The following CHRNA4 variants were observed in gnomAD, a reference collection of about 807,000 sequenced individuals.
The protein encoded by CHRNA4 is neuronal acetylcholine receptor subunit alpha-4.
Under a neutral mutation model 48.9 loss-of-function variants are expected in CHRNA4, and 28 were observed. That is an observed-to-expected ratio of 0.57 (90% CI 0.42 to 0.79). CHRNA4 has a LOEUF of 0.79. Ranked by LOEUF, CHRNA4 falls within the 30% of genes least tolerant of loss-of-function variation. The pLI is 0.00. For missense variants in CHRNA4, 859 were observed against 898.4 expected (o/e 0.96, Z 0.56); for synonymous variants, 425 against 402.3 (o/e 1.06, Z -0.68).
At chr20:63,354,593 G>C in intron 4 of CHRNA4, 4 of 422,158 alleles carry the variant, frequency 9.5e-6, no homozygotes, top group Non-Finnish European at 1.2e-5. Context: ...AAGTGGGGGG[G>C]GCTGCAGTAC....
Position 63,350,380 on chromosome 20 carries a change from A to AC in CHRNA4, c.1030dup (p.Val344GlyfsTer34), listed in dbSNP as rs1299258914. On this transcript the variant is annotated frameshift_variant, in exon 5 of 6. Coordinates refer to ENST00000370263, the MANE Select transcript of CHRNA4 (RefSeq NM_000744.7). LOFTEE classifies it high-confidence loss of function. ...CACGATGTCCAGGAAGACCCTGCGT[A>AC]CCCAGGTGGGCATGGTGTGCGTGCG... The AC allele has an allele frequency of 6.2e-7, 1 of 1,613,636 alleles. No individual in the cohort carries two copies. Among genetic ancestry groups the AC allele is most frequent in the African/African-American group, 1.3e-5 (1 of 74,926 alleles).
intron 1 of CHRNA4, 159 bp from the exon 2 acceptor site, chr20:63,359,858 G>C (rs71325434): frequency 1.1e-6 from 1 of 870,316 alleles, no homozygotes; most frequent in Non-Finnish European, 1.7e-6. Flanking sequence ...TGTGTGTGCC[G>C]GGCGTGCGCT....
intron 4 of CHRNA4, chr20:63,354,591 G>A: frequency 2.0e-6 from 1 of 512,398 alleles, no homozygotes. Context: ...GGAAGTGGGG[G>A]GGGCTGCAGT....
chr20:63,356,197 G>T, intron 3 of CHRNA4, 113 bp from the exon 4 acceptor site: 1 of 709,556 alleles, frequency 1.4e-6, no homozygotes. Flanking sequence ...AGCAGGGTGA[G>T]GGGTGTGAGG....
chr20:63,357,471 A>G (rs2068738453), intron 2 of CHRNA4, among the ~76,000 whole-genome samples: 1 of 151,886 alleles, frequency 6.6e-6, no homozygotes, highest in South Asian at 2.1e-4. Flanking sequence ...TTTCACCACC[A>G]CTCAGCACTG....
chr20:63,359,583 G>C lies in CHRNA4; in HGVS notation c.193C>G (p.Arg65Gly). 4 of 1,612,728 alleles carry C rather than the reference G, an allele frequency of 2.5e-6. No homozygotes were observed. The highest frequency in any genetic ancestry group is 3.4e-6 in the Non-Finnish European group (4 of 1,179,926). Residue 65 changes from arginine to glycine, a missense_variant, in exon 2 of 6, where the codon CGC becomes GGC. Coordinates refer to ENST00000370263, the MANE Select transcript of CHRNA4 (RefSeq NM_000744.7). ...VANISDVVLV[R>G]FGLSIAQLID... ...AGCTGAGCGATGGACAGGCCGAAGCGGACGAGGACCACGTCCGAGATGTTG... is the reference window on the plus strand; with the variant it reads ...AGCTGAGCGATGGACAGGCCGAAGCCGACGAGGACCACGTCCGAGATGTTG...
At chr20:63,348,637 C>T (rs1164190105) in intron 5 of CHRNA4, among the ~76,000 whole-genome samples, 1 of 152,194 alleles carries the variant, frequency 6.6e-6, no homozygotes, top group African/African-American at 2.4e-5. Context: ...GGACAAGAGC[C>T]AGGAGGTGCC....
chr20:63,347,183 C>T (rs2068509407), intron 5 of CHRNA4, among the ~76,000 whole-genome samples: 1 of 152,210 alleles, frequency 6.6e-6, no homozygotes, highest in Admixed American at 6.5e-5. Flanking sequence ...TCTCAGCAGG[C>T]GGCCTGTGCT....
chr20:63,349,534 C>A (rs1601471186), intron 5 of CHRNA4, 119 bp downstream of exon 5: 2 of 1,341,238 alleles, frequency 1.5e-6, no homozygotes, highest in East Asian at 4.6e-5. Context: ...CGCCCTGCAC[C>A]CCAAAGCGAA....
In CHRNA4 at chr20:63,361,120, G is replaced by A; in HGVS notation, c.46C>T (p.Leu16=). Residue 16 remains leucine (L), a synonymous_variant, in exon 1 of 6, where the codon CTG becomes TTG. Coordinates refer to ENST00000370263, the MANE Select transcript of CHRNA4 (RefSeq NM_000744.7). ...AGGAGGCCGGTCCCCAGAAGCAGCA[G>A]CAGCGGCGGCAGCAGCCGCGGCGCT... ...PGAPRLLPPL[L]LLLGTGLLRA... The A allele has an allele frequency of 6.8e-7, 1 of 1,479,160 alleles. No individual in the cohort carries two copies. Among genetic ancestry groups the A allele is most frequent in the East Asian group, 2.9e-5 (1 of 34,950 alleles). The allele number at this position is 1,479,160 out of a possible 1,614,324, so 91.6% of individuals were successfully genotyped here. A position where few individuals can be genotyped will look rare whatever the true frequency, so the allele number is the denominator to read the frequency against.
At chr20:63,354,840 G>C (rs1256903578) in intron 4 of CHRNA4, 3 of 158,620 alleles carry the variant, frequency 1.9e-5, no homozygotes, top group African/African-American at 7.2e-5. Context: ...GGCTTGCAGG[G>C]GGCAGGGAGT....
chr20:63,361,147 C>CG lies in CHRNA4; in HGVS notation c.18dup (p.Gly7ArgfsTer69). ...AGCGGCGGCAGCAGCCGCGGCGCTC[C>CG]GGGGCCCCCTAGCTCCATGGCGCAC... is the stretch of plus-strand genomic sequence containing the variant. On this transcript the variant is annotated frameshift_variant, in exon 1 of 6. Coordinates refer to ENST00000370263, the MANE Select transcript of CHRNA4 (RefSeq NM_000744.7). LOFTEE classifies it high-confidence loss of function. The CG allele has an allele frequency of 6.8e-7, 1 of 1,478,916 alleles. No individual in the cohort carries two copies. The highest frequency in any genetic ancestry group is 1.5e-5 in the African/African-American group (1 of 68,360). The allele number at this position is 1,478,916 out of a possible 1,614,324, so 91.6% of individuals were successfully genotyped here. A position where few individuals can be genotyped will look rare whatever the true frequency, so the allele number is the denominator to read the frequency against.
At chr20:63,359,915 G>GCCGGGCGTGCGC in intron 1 of CHRNA4, 1 of 438,346 alleles carries the variant, frequency 2.3e-6, no homozygotes, top group South Asian at 2.2e-5. Flanking sequence ...GTGTGTGTGT[G>GCCGGGCGTGCGC]TGTGTGTGTG....
chr20:63,359,496 T>G, intron 2 of CHRNA4, 52 bp downstream of exon 2: 1 of 1,609,942 alleles, frequency 6.2e-7, no homozygotes, highest in Non-Finnish European at 8.5e-7. Context: ...ACCCCTGTGC[T>G]CCTTGCAGGG....
At chr20:63,360,628 C>A (rs1054734281) in intron 1 of CHRNA4, among the ~76,000 whole-genome samples, 5 of 152,184 alleles carry the variant, frequency 3.3e-5, no homozygotes, top group African/African-American at 1.2e-4. Flanking sequence ...GACTCCCAGC[C>A]CAGAGTCCCC....
At chr20:63,346,968 T>C in intron 5 of CHRNA4, 105 bp from the exon 6 acceptor site, 7 of 1,540,958 alleles carry the variant, frequency 4.5e-6, no homozygotes, top group Non-Finnish European at 6.2e-6. Flanking sequence ...CCTCCCACCT[T>C]CCACCCGAGG....
rs1335138894 is a variant in CHRNA4, at chr20:63,349,856, C to T, written c.1555G>A (p.Glu519Lys). The T allele has an allele frequency of 6.3e-7, 1 of 1,595,692 alleles. No individual in the cohort carries two copies. The highest frequency in any genetic ancestry group is 1.7e-5 in the Admixed American group (1 of 58,878). Residue 519 changes from glutamate (E) to lysine (K), a missense_variant, in exon 5 of 6, where the codon GAG (glutamate) becomes AAG (lysine). Coordinates refer to ENST00000370263, the MANE Select transcript of CHRNA4 (RefSeq NM_000744.7). ...GAGGGCTGGTCTGGGGGTGGGAGCT[C>T]AGCCGAGTGGGTGTTGCGAGAGGCC... is the stretch of plus-strand genomic sequence containing the variant. ...ALASRNTHSA[E>K]LPPPDQPSPC...
chr20:63,359,917 G>GCCGGGCGTGCGCGTGCCGGGCGTGCGC (rs1308301364), intron 1 of CHRNA4: 7 of 517,354 alleles, frequency 1.4e-5, no homozygotes, highest in Admixed American at 6.3e-5. Flanking sequence ...GTGTGTGTGT[G>GCCGGGCGTGCGCGTGCCGGGCGTGCGC]TGTGTGTGTG....
intron 2 of CHRNA4, among the ~76,000 whole-genome samples, chr20:63,359,026 T>TCC (rs2068760375): frequency 3.9e-5 from 6 of 152,132 alleles, no homozygotes; most frequent in African/African-American, 1.4e-4. Flanking sequence ...AGCAGCCTTC[T>TCC]TGGGCCCCCC....
Sources: gnomAD v4.1 joint callset for allele counts (sites outside exome capture counted in the v4.1 genomes callset) on GRCh38, gnomAD v4.1.1 for gene constraint, MANE v1.5 for transcripts, NCBI Gene and HGNC (gene_info 2026-07-23, HGNC 2026-07-21) for gene names.